GCC2: variants seen among roughly 807,000 people sequenced by gnomAD.
The protein encoded by GCC2 is GRIP and coiled-coil domain containing 2.
GCC2 carries 120 observed loss-of-function variants against 210.6 expected under a neutral mutation model. The observed-to-expected ratio is 0.57, with a 90% CI of 0.49 to 0.66. The LOEUF (loss-of-function observed/expected upper bound fraction) is 0.66. Ranked by LOEUF, GCC2 falls within the 30% of genes least tolerant of loss-of-function variation. The pLI is 0.00. For missense variants in GCC2, 1,868 were observed against 1,871.9 expected, an observed-to-expected ratio of 1.00 and a Z score of 0.04; for synonymous variants, 703 against 652.7, an observed-to-expected ratio of 1.08 and a Z score of -1.17.
intron 16 of GCC2, 152 bp downstream of exon 16, chr2:108,486,800 C>T: frequency 7.5e-6 from 4 of 534,210 alleles, no homozygotes; most frequent in African/African-American, 2.0e-5. Flanking sequence ...GGCTTTAACC[C>T]CAATCCCATG....
chr2:108,449,799 T>G, intron 2 of GCC2, 110 bp downstream of exon 2: 1 of 767,934 alleles, frequency 1.3e-6, no homozygotes, highest in Non-Finnish European at 2.2e-6. Flanking sequence ...TTTAATAGCC[T>G]TGCTCCAAGG....
In GCC2 at chr2:108,485,651, C is replaced by T. The variant is rs1390811870; in HGVS notation, c.3629C>T (p.Ser1210Leu). 6.4e-7 allele frequency: 1 copy of T among 1,559,632 alleles called. No homozygotes were observed. The highest frequency in any genetic ancestry group is 1.2e-5 in the South Asian group (1 of 83,956). ...CTTGTGCTAGCTTCATTACAGTCTT[C>T]AGTACAACAATATGAAGAAAAAAAC... Reference protein sequence around the residue: ...LQEEITSLQSSVQQYEEKNTK... With the variant: ...LQEEITSLQSLVQQYEEKNTK... The change falls in exon 14 of 23, where the codon TCA (serine) becomes TTA (leucine). Residue 1210 changes from serine to leucine, a missense_variant. Around this residue, in one of 3 missense-constraint regions of GCC2, gnomAD observed 1,847 missense variants for 1,765.2 expected, o/e 1.05. Coordinates refer to ENST00000309863, the MANE Select transcript of GCC2 (RefSeq NM_181453.4).
rs1481167189 is a variant in GCC2 at position 108,475,785 on chromosome 2, C to G, written c.2995C>G (p.Arg999Gly). 2 of 1,605,978 alleles carry G rather than the reference C, an allele frequency of 1.2e-6. No homozygotes were observed. The highest frequency in any genetic ancestry group is 1.7e-6 in the Non-Finnish European group (2 of 1,176,198). Reference protein sequence around the residue: ...QTVKEELESLRSEKDQLSASM... With the variant: ...QTVKEELESLGSEKDQLSASM... ...TGTGAAGGAAGAACTTGAATCTCTTCGATCAGAAAAGGACCAGTTATCTGC... is the reference window on the plus strand; with the variant it reads ...TGTGAAGGAAGAACTTGAATCTCTTGGATCAGAAAAGGACCAGTTATCTGC... Residue 999 changes from arginine (R) to glycine (G), a missense_variant, in exon 9 of 23, where the codon CGA becomes GGA. Arg to Gly is a moderately radical substitution (Grantham distance 125). Transcript: ENST00000309863.
chr2:108,457,753 A>G (rs1680346605), intron 4 of GCC2, among the ~76,000 whole-genome samples: 1 of 151,888 alleles, frequency 6.6e-6, no homozygotes, highest in South Asian at 2.1e-4. Flanking sequence ...TTTTTTAGCT[A>G]TTTTATTGTT....
chr2:108,477,602 T>G (rs1681608673), intron 9 of GCC2, among the ~76,000 whole-genome samples: 1 of 152,216 alleles, frequency 6.6e-6, no homozygotes, highest in South Asian at 2.1e-4. Context: ...AAATTCCTTC[T>G]AAGGAATTAG....
Position 108,449,662 on chromosome 2 carries a change from A to G in GCC2, c.36A>G (p.Pro12=), listed in dbSNP as rs752351322. The change falls in exon 2 of 23, where the codon CCA becomes CCG. Residue 12 remains proline, a synonymous_variant. Transcript: ENST00000309863. The stretch of plus-strand genomic sequence containing the variant: ...TTGTTCAAGATGGGGTGGCTTCACC[A>G]GCTACCCCTGGGACCGGGAAATCTA... ...EDLVQDGVAS[P]ATPGTGKSKL... 4 of 1,613,896 alleles carry G rather than the reference A, an allele frequency of 2.5e-6. No individual in the cohort carries two copies. Among genetic ancestry groups the G allele is most frequent in the South Asian group, 1.1e-5 (1 of 91,068 alleles).
At chr2:108,452,680 CTTT>C (rs1452320312) in intron 4 of GCC2, among the ~76,000 whole-genome samples, 1 of 136,112 alleles carries the variant, frequency 7.3e-6, no homozygotes, top group Non-Finnish European at 1.5e-5. Flanking sequence ...CACGTATTTT[CTTT>C]TTTCTTTCTT....
At chr2:108,451,507 G>T (rs1334235840) in intron 3 of GCC2, among the ~76,000 whole-genome samples, 1 of 152,124 alleles carries the variant, frequency 6.6e-6, no homozygotes, top group Non-Finnish European at 1.5e-5. Flanking sequence ...AATAATAAAA[G>T]ACTTCCATTT....
intron 9 of GCC2, among the ~76,000 whole-genome samples, chr2:108,476,515 G>A (rs1329019469): frequency 1.3e-5 from 2 of 152,076 alleles, no homozygotes; most frequent in African/African-American, 2.4e-5. Flanking sequence ...GTGAAGCATT[G>A]TTATTTGGAG....
intron 4 of GCC2, 30 bp from the exon 5 acceptor site, chr2:108,468,950 C>A: frequency 1.4e-6 from 2 of 1,437,712 alleles, no homozygotes; most frequent in Non-Finnish European, 9.8e-7. Flanking sequence ...ATTTTTTAAC[C>A]CCAGGCAAAT....
Position 108,475,635 on chromosome 2 carries a change from G to T in GCC2, c.2961G>T (p.Glu987Asp). 1 of 1,527,830 alleles carries T rather than the reference G, an allele frequency of 6.5e-7. No homozygotes were observed. The highest frequency in any genetic ancestry group is 8.9e-7 in the Non-Finnish European group (1 of 1,128,504). The allele number at this position is 1,527,830 out of a possible 1,614,324, so 94.6% of individuals were successfully genotyped here. Residue 987 changes from glutamate to aspartate, a missense_variant and splice_region_variant, in exon 8 of 23, where the codon GAG (glutamate) becomes GAT (aspartate). By Grantham distance (45) the Glu-to-Asp change is conservative (BLOSUM62 2). Coordinates refer to ENST00000309863, the MANE Select transcript of GCC2 (RefSeq NM_181453.4). ...AKKELDSSRK[E>D]TQTVKEELES... is the part of the protein sequence containing the mutation. ...AAGAACTAGATTCCAGCAGAAAAGA[G>T]GTGAGCTGACTTTAAAAATGTAAGA...
At chr2:108,502,752 G>A (rs539655315) in intron 22 of GCC2, among the ~76,000 whole-genome samples, 25 of 151,932 alleles carry the variant, frequency 1.6e-4, no homozygotes, top group East Asian at 5.8e-4. Context: ...GTGAAACCCC[G>A]TCTCTACTCA....
Position 108,471,469 on chromosome 2 carries a change from CAAAAA to C in GCC2, c.2141_2145del (p.Gln714ArgfsTer6). 1 of 1,608,530 alleles carries C rather than the reference CAAAAA, an allele frequency of 6.2e-7. No individual in the cohort carries two copies. The highest frequency in any genetic ancestry group is 8.5e-7 in the Non-Finnish European group (1 of 1,178,310). On this transcript the variant is annotated frameshift_variant, in exon 6 of 23. Transcript: ENST00000309863. LOFTEE classifies it high-confidence loss of function. ...TAGGGATTTGGAGGTTTTTTTGTCTCAAAAAGAAGATGTTATCCTTAAAGAACATA... is the reference window on the plus strand; with the variant it reads ...TAGGGATTTGGAGGTTTTTTTGTCTCGAAGATGTTATCCTTAAAGAACATA...
At chr2:108,460,755 G>C (rs565753667) in intron 4 of GCC2, among the ~76,000 whole-genome samples, 25 of 152,282 alleles carry the variant, frequency 1.6e-4, no homozygotes, top group African/African-American at 6.0e-4. Context: ...CAAATTTCAT[G>C]TCAAATTGTA....
In GCC2 at chr2:108,471,508, T is replaced by C; in HGVS notation, c.2179T>C (p.Leu727=). Residue 727 remains leucine (L), a synonymous_variant, in exon 6 of 23, where the codon TTA becomes CTA. Transcript: ENST00000309863. ...DVILKEHITQ[L]EKKLQLMVEE... ...TATCCTTAAAGAACATATTACTCAA[T>C]TAGAAAAGAAACTTCAGTTAATGGT... 3.1e-6 allele frequency: 5 copies of C among 1,606,280 alleles called. No individual in the cohort carries two copies. The highest frequency in any genetic ancestry group is 4.5e-5 in the East Asian group (2 of 44,790).
chr2:108,450,071 C>T (rs542457636), intron 2 of GCC2: 26 of 186,424 alleles, frequency 1.4e-4, no homozygotes, highest in African/African-American at 5.7e-4. Flanking sequence ...AGTTTTATGG[C>T]CCTGTACAAT....
chr2:108,456,948 TAAAA>T (rs59458748), intron 4 of GCC2, among the ~76,000 whole-genome samples: 1 of 133,654 alleles, frequency 7.5e-6, no homozygotes, highest in Admixed American at 7.5e-5. Flanking sequence ...AGCCCTTACA[TAAAA>T]AAAAAAAAAA....
chr2:108,481,924 C>T (rs1681876516), intron 10 of GCC2, 108 bp downstream of exon 10: 1 of 775,868 alleles, frequency 1.3e-6, no homozygotes, highest in Non-Finnish European at 2.0e-6. Flanking sequence ...GAATTTATTC[C>T]CCCCCCACTT....
chr2:108,486,229 TA>T (rs1307769085), intron 15 of GCC2, among the ~76,000 whole-genome samples: 3 of 152,202 alleles, frequency 2.0e-5, no homozygotes, highest in African/African-American at 4.8e-5. Flanking sequence ...TATTTGTGTA[TA>T]TTTTTATATA....
Sources: gnomAD v4.1 joint callset for allele counts (sites outside exome capture counted in the v4.1 genomes callset) on GRCh38, gnomAD v4.1.1 for gene constraint, gnomAD v4.1.1 regional missense constraint, MANE v1.5 for transcripts, NCBI Gene and HGNC (gene_info 2026-07-23, HGNC 2026-07-21) for gene names.